The following ADAM19 variants were observed in gnomAD, a reference collection of about 807,000 sequenced individuals.
ADAM19 encodes ADAM metallopeptidase domain 19, also known as disintegrin and metalloproteinase domain-containing protein 19.
Under a neutral mutation model 114.7 loss-of-function variants are expected in ADAM19, and 65 were observed. That is an observed-to-expected ratio of 0.57 (90% CI 0.46 to 0.70). ADAM19 has a LOEUF of 0.70. Ranked by LOEUF, ADAM19 falls within the 30% of genes least tolerant of loss-of-function variation. ADAM19 has a pLI of 0.00. For synonymous variants in ADAM19, 466 were observed against 460.5 expected, an observed-to-expected ratio of 1.01 and a Z score of -0.15; for missense variants, 1,063 against 1,204.7, an observed-to-expected ratio of 0.88 and a Z score of 1.74.
chr5:157,543,020 T>C (rs1298944341), intron 3 of ADAM19, among the ~76,000 whole-genome samples: 3 of 152,212 alleles, frequency 2.0e-5, no homozygotes, highest in Non-Finnish European at 4.4e-5. Flanking sequence ...TTCCATCTAG[T>C]AGAAAAGATA....
intron 4 of ADAM19, 21 bp from the exon 5 acceptor site, chr5:157,530,904 G>A: frequency 6.2e-7 from 1 of 1,604,628 alleles, no homozygotes. Flanking sequence ...GAAAGGAGGT[G>A]GTCAGGCTAA....
intron 4 of ADAM19, among the ~76,000 whole-genome samples, chr5:157,531,883 C>G (rs776959548): frequency 6.6e-6 from 1 of 152,100 alleles, no homozygotes; most frequent in Non-Finnish European, 1.5e-5. Context: ...GCTAGAAGAG[C>G]CTGGAAGGAT....
chr5:157,493,589 A>G (rs2113701233), intron 15 of ADAM19, among the ~76,000 whole-genome samples: 1 of 152,002 alleles, frequency 6.6e-6, no homozygotes, highest in African/African-American at 2.4e-5. Context: ...TTCCCTCCTT[A>G]ATTATCTATC....
chr5:157,555,945 T>C (rs912272154), intron 3 of ADAM19, among the ~76,000 whole-genome samples: 2 of 152,228 alleles, frequency 1.3e-5, no homozygotes, highest in African/African-American at 4.8e-5. Flanking sequence ...AATCTCCTTC[T>C]GCCTCCCTCT....
intron 9 of ADAM19, 79 bp from the exon 10 acceptor site, chr5:157,507,219 T>A: frequency 7.0e-7 from 1 of 1,428,484 alleles, no homozygotes; most frequent in Non-Finnish European, 9.8e-7. Context: ...TAAGTGGCCA[T>A]CACGGGGTTC....
chr5:157,529,416 A>T (rs1756563660), intron 5 of ADAM19, among the ~76,000 whole-genome samples: 3 of 134,410 alleles, frequency 2.2e-5, no homozygotes, highest in South Asian at 4.7e-4. Context: ...CAAGCAAGGC[A>T]TTAAGGCAGG....
At chr5:157,514,664 C>T (rs917926801) in intron 7 of ADAM19, among the ~76,000 whole-genome samples, 1 of 152,062 alleles carries the variant, frequency 6.6e-6, no homozygotes, top group African/African-American at 2.4e-5. Flanking sequence ...GGAAAGAAAG[C>T]TGTGTTCCAT....
chr5:157,495,069 A>T (rs1438221300), intron 14 of ADAM19, among the ~76,000 whole-genome samples: 2 of 151,798 alleles, frequency 1.3e-5, no homozygotes, highest in Non-Finnish European at 2.9e-5. Context: ...GGCTCATTGC[A>T]TCCTCCGCCT....
chr5:157,537,385 C>G (rs1243262824), intron 4 of ADAM19, among the ~76,000 whole-genome samples: 1 of 152,124 alleles, frequency 6.6e-6, no homozygotes, highest in Non-Finnish European at 1.5e-5. Context: ...CATCCCTACT[C>G]AAAAACAACT....
chr5:157,499,677 G>C lies in ADAM19; in HGVS notation c.1309-15C>G, dbSNP rs571648171. The C allele has an allele frequency of 1.3e-6, 2 of 1,585,416 alleles. No individual in the cohort carries two copies. The highest frequency in any genetic ancestry group is 2.7e-5 in the African/African-American group (2 of 74,194). On this transcript the variant is annotated splice_polypyrimidine_tract_variant and intron_variant, in intron 12 of 22. Transcript: ENST00000257527. ...TTGTTACATTCCTGGGGAGGCAGTG[G>C]GGTGGGTGTGAGTGGGGGAGGGCCT... is the stretch of plus-strand genomic sequence containing the variant.
chr5:157,492,010 G>A, intron 16 of ADAM19, 98 bp from the exon 17 acceptor site: 1 of 1,165,412 alleles, frequency 8.6e-7, no homozygotes, highest in Non-Finnish European at 1.3e-6. Context: ...GAGGACCCAT[G>A]GCCCGGCCTG....
chr5:157,554,674 C>G (rs1757315099), intron 3 of ADAM19, among the ~76,000 whole-genome samples: 1 of 152,216 alleles, frequency 6.6e-6, no homozygotes, highest in Admixed American at 6.5e-5. Context: ...TGACTTCATT[C>G]TTAAATGCTT....
intron 4 of ADAM19, among the ~76,000 whole-genome samples, chr5:157,534,138 A>C (rs1024744833): frequency 2.3e-4 from 35 of 152,130 alleles, no homozygotes; most frequent in African/African-American, 8.2e-4. Flanking sequence ...CACATACACT[A>C]TCTCTTGTGA....
rs117649523 is a variant in ADAM19, at chr5:157,490,108, T to C, written c.2240+202A>G. ...TCTGCTGAGAAGAACTCAGGAGTGATGACCAGAATCAGTAGAGTACTTACA... is the reference window on the plus strand; with the variant it reads ...TCTGCTGAGAAGAACTCAGGAGTGACGACCAGAATCAGTAGAGTACTTACA... On this transcript the variant is annotated intron_variant, in intron 19 of 22. Coordinates refer to ENST00000257527, the MANE Select transcript of ADAM19 (RefSeq NM_033274.5). Among the ~76,000 whole-genome samples, 6 of 152,354 alleles carry C rather than the reference T, an allele frequency of 3.9e-5. No homozygotes were observed. In the East Asian group the frequency reaches 9.6e-4, roughly 24 times the overall value.
chr5:157,572,122 G>A (rs947331855), intron 1 of ADAM19: 4 of 200,158 alleles, frequency 2.0e-5, no homozygotes, highest in African/African-American at 9.3e-5. Flanking sequence ...GTCTCGCTTT[G>A]TCGCCCAGGC....
chr5:157,567,921 A>G (rs1172349059), intron 2 of ADAM19: 2 of 152,130 alleles, frequency 1.3e-5, no homozygotes, highest in Non-Finnish European at 2.9e-5. Flanking sequence ...TACTGCCCCA[A>G]ATCAAAGCAC....
chr5:157,499,773 C>CTTTTT (rs553103564), intron 12 of ADAM19, 111 bp from the exon 13 acceptor site: 4 of 419,978 alleles, frequency 9.5e-6, no homozygotes, highest in African/African-American at 2.9e-5. Flanking sequence ...GCAACTATCT[C>CTTTTT]TTTTTTTTTT....
intron 12 of ADAM19, among the ~76,000 whole-genome samples, chr5:157,501,323 G>A (rs573406873): frequency 6.6e-6 from 1 of 152,108 alleles, no homozygotes; most frequent in Admixed American, 6.5e-5. Context: ...TCCCACACAA[G>A]CAAGGAGGTT....
At chr5:157,565,207 G>A (rs6878446) in intron 2 of ADAM19, among the ~76,000 whole-genome samples, 52,446 of 151,826 alleles carry the variant, frequency 0.35, 10,750 homozygotes, top group African/African-American at 0.56. Context: ...AACTATGTTC[G>A]ACATCGCTAA....
Sources: allele counts gnomAD v4.1 joint callset (sites outside exome capture counted in the v4.1 genomes callset), GRCh38; gene constraint gnomAD v4.1.1; transcripts MANE v1.5; gene names NCBI Gene and HGNC (gene_info 2026-07-23, HGNC 2026-07-21).